Variants in MPDZ observed in about 807,000 individuals in gnomAD.
The protein encoded by MPDZ is multiple PDZ domain crumbs cell polarity complex component, also known as multiple PDZ domain protein.
A neutral mutation model predicts 239.1 loss-of-function variants in MPDZ; 234 were observed. The observed-to-expected ratio is 0.98, with a 90% CI of 0.88 to 1.09. The LOEUF is 1.09. Among genes scored for constraint, MPDZ ranks in the 50% least tolerant of loss-of-function variants. The pLI, the probability that MPDZ is intolerant of heterozygous loss-of-function variation, is 0.00. For synonymous variants in MPDZ, 1,048 were observed against 881.3 expected, an observed-to-expected ratio of 1.19 and a Z score of -3.35; for missense variants, 3,175 against 2,510.0, an observed-to-expected ratio of 1.26 and a Z score of -5.66.
In MPDZ at chr9:13,223,694, ACTTCTAC is replaced by A; in HGVS notation, c.403_409del (p.Val135PhefsTer19). On this transcript the variant is annotated frameshift_variant, in exon 5 of 47. Transcript: ENST00000319217. LOFTEE classifies it high-confidence loss of function. ...AGATGGAGGTTTGAGGAGCTCAAAA[ACTTCTAC>A]ATGGCGACCCTGTTTAGGAAACAAA... 2 of 1,606,120 alleles carry A rather than the reference ACTTCTAC, an allele frequency of 1.2e-6. No individual in the cohort carries two copies. Among genetic ancestry groups the A allele is most frequent in the Non-Finnish European group, 1.7e-6 (2 of 1,176,102 alleles).
chr9:13,172,005 C>T (rs1352925410), intron 21 of MPDZ, among the ~76,000 whole-genome samples: 1 of 152,144 alleles, frequency 6.6e-6, no homozygotes, highest in Non-Finnish European at 1.5e-5. Context: ...GTTATACAGC[C>T]AAAACCTTCC....
chr9:13,152,348 A>G (rs1389711754), intron 24 of MPDZ, among the ~76,000 whole-genome samples: 1 of 152,132 alleles, frequency 6.6e-6, no homozygotes, highest in Non-Finnish European at 1.5e-5. Context: ...AGCTCCCACA[A>G]TTCCCACGTA....
chr9:13,188,263 T>C (rs962637307), intron 17 of MPDZ, among the ~76,000 whole-genome samples: 5 of 152,072 alleles, frequency 3.3e-5, no homozygotes, highest in African/African-American at 1.2e-4. Flanking sequence ...CACACCTGTA[T>C]TCCTAGCACT....
In MPDZ at chr9:13,222,341, T is replaced by G. The variant is rs1959179344; in HGVS notation, c.639A>C (p.Lys213Asn). Residue 213 changes from lysine (K) to asparagine (N), a missense_variant, in exon 6 of 47, where the codon AAA (lysine) becomes AAC (asparagine). By Grantham distance (94) the Lys-to-Asn change is moderately conservative. Coordinates refer to ENST00000319217, the MANE Select transcript of MPDZ (RefSeq NM_001378778.1). Reference sequence around the variant, plus strand: ...TGGCAATAACTAGCTGGACAGTATCTTTGGCTTTCTGCAGGATGCTGATAG... The same window carrying G: ...TGGCAATAACTAGCTGGACAGTATCGTTGGCTTTCTGCAGGATGCTGATAG... ...QQAISILQKA[K>N]DTVQLVIARG... 2 of 1,612,952 alleles carry G rather than the reference T, an allele frequency of 1.2e-6. No individual in the cohort carries two copies. Among genetic ancestry groups the G allele is most frequent in the African/African-American group, 2.7e-5 (2 of 74,854 alleles).
intron 19 of MPDZ, among the ~76,000 whole-genome samples, chr9:13,182,502 T>G (rs1465164383): frequency 6.6e-6 from 1 of 152,048 alleles, no homozygotes; most frequent in Admixed American, 6.6e-5. Flanking sequence ...ACTACACACA[T>G]GTACATAGAT....
At chr9:13,145,678 A>T (rs188260247) in intron 26 of MPDZ, among the ~76,000 whole-genome samples, 5 of 152,148 alleles carry the variant, frequency 3.3e-5, no homozygotes, top group African/African-American at 1.2e-4. Context: ...ACTTGACTAA[A>T]CATGTCATTC....
chr9:13,271,833 T>G (rs1003703198), intron 1 of MPDZ, among the ~76,000 whole-genome samples: 2 of 152,144 alleles, frequency 1.3e-5, no homozygotes, highest in Non-Finnish European at 2.9e-5. Context: ...GAACTATGAA[T>G]ACAGGCAACA....
At chr9:13,146,550 C>G (rs1182333838) in intron 26 of MPDZ, among the ~76,000 whole-genome samples, 1 of 151,932 alleles carries the variant, frequency 6.6e-6, no homozygotes, top group Non-Finnish European at 1.5e-5. Flanking sequence ...TAAAGACAAC[C>G]AACCCTAAAA....
At chr9:13,254,274 C>T (rs1183821804) in intron 1 of MPDZ, among the ~76,000 whole-genome samples, 1 of 152,142 alleles carries the variant, frequency 6.6e-6, no homozygotes, top group Non-Finnish European at 1.5e-5. Context: ...AAAGAAAGAT[C>T]AGGAATATTC....
At chr9:13,168,299 A>G in intron 22 of MPDZ, 67 bp downstream of exon 22, 2 of 1,458,296 alleles carry the variant, frequency 1.4e-6, no homozygotes, top group South Asian at 1.2e-5. Flanking sequence ...TGAATACTGA[A>G]AAAGAATTCT....
intron 22 of MPDZ, among the ~76,000 whole-genome samples, chr9:13,166,733 T>A (rs1951129067): frequency 6.6e-6 from 1 of 152,102 alleles, no homozygotes; most frequent in African/African-American, 2.4e-5. Flanking sequence ...TAATAAAGCT[T>A]CTGCCCACAT....
At position 13,196,941 on chromosome 9, in the gene MPDZ, T is replaced by A. The variant is rs539601614; in HGVS notation, c.1547-711A>T. ...TCGTAAGATTTGTCTTTTTAAAATC[T>A]CTATTAGGCACTATTCTCTAAATTA... On this transcript the variant is annotated intron_variant, in intron 12 of 46. Coordinates refer to ENST00000319217, the MANE Select transcript of MPDZ (RefSeq NM_001378778.1). Among the ~76,000 whole-genome samples, 18 of 151,994 alleles carry A rather than the reference T, an allele frequency of 1.2e-4. No individual in the cohort carries two copies. The South Asian group carries it at 3.7e-3, about 32-fold the overall frequency.
rs770296552 is a variant in MPDZ at position 13,107,001 on chromosome 9, C to G, written c.6177G>C (p.Arg2059=). 1 of 1,613,514 alleles carries G rather than the reference C, an allele frequency of 6.2e-7. No homozygotes were observed. Among genetic ancestry groups the G allele is most frequent in the African/African-American group, 1.3e-5 (1 of 74,914 alleles). The change falls in exon 47 of 47, where the codon CGG becomes CGC. Residue 2059 remains arginine, a synonymous_variant. Transcript: ENST00000319217. ...THEEAVAILK[R]TKGTVTLMVL... is the part of the protein sequence containing the mutation. The stretch of plus-strand genomic sequence containing the variant: ...CCATCAAAGTGACAGTGCCTTTTGT[C>G]CGTTTAAGGATGGCAACAGCTTCTT...
chr9:13,133,759 CAGTGA>C (rs1946353665), intron 32 of MPDZ, 60 bp downstream of exon 32: 1 of 1,156,258 alleles, frequency 8.6e-7, no homozygotes, highest in Admixed American at 1.9e-5. Flanking sequence ...TTTGAGAACA[CAGTGA>C]ATTAGAACAC....
chr9:13,228,803 T>C (rs1035982457), intron 3 of MPDZ, among the ~76,000 whole-genome samples: 8 of 152,192 alleles, frequency 5.3e-5, no homozygotes, highest in Non-Finnish European at 8.8e-5. Context: ...AATATTTTCA[T>C]AGAAAAACTT....
In MPDZ at chr9:13,136,151, A is replaced by G. The variant is rs1563875718; in HGVS notation, c.4324T>C (p.Cys1442Arg). 6.2e-7 allele frequency: 1 copy of G among 1,613,036 alleles called. No individual in the cohort carries two copies. Among genetic ancestry groups the G allele is most frequent in the Non-Finnish European group, 8.5e-7 (1 of 1,179,430 alleles). ...AAAGGTTCTACTGCATTTCCAGGAC[A>G]TACGGCCATCTGATTCACTGCATCT... ...NKDAVNQMAV[C>R]PGNAVEPLPS... is the part of the protein sequence containing the mutation. Residue 1442 changes from cysteine (C) to arginine (R), a missense_variant, in exon 31 of 47, where the codon TGT (cysteine) becomes CGT (arginine). Physicochemically the swap from Cys to Arg is radical, Grantham distance 180. Coordinates refer to ENST00000319217, the MANE Select transcript of MPDZ (RefSeq NM_001378778.1).
chr9:13,237,843 T>C (rs1442781841), intron 3 of MPDZ, among the ~76,000 whole-genome samples: 1 of 152,200 alleles, frequency 6.6e-6, no homozygotes, highest in Admixed American at 6.5e-5. Flanking sequence ...ATAACTTTTG[T>C]ATATTATATA....
intron 1 of MPDZ, among the ~76,000 whole-genome samples, chr9:13,274,129 G>A (rs749100494): frequency 6.1e-4 from 93 of 152,136 alleles, no homozygotes; most frequent in South Asian, 1.9e-3. Context: ...CAAGCTTTCC[G>A]TCTTCTTTTC....
intron 12 of MPDZ, 112 bp downstream of exon 12, chr9:13,204,924 A>AT: frequency 4.4e-5 from 29 of 660,080 alleles, no homozygotes; most frequent in Non-Finnish European, 6.1e-5. Context: ...ACTTTTTGAA[A>AT]TTTTTTTTAG....
Sources: gnomAD v4.1 joint callset for allele counts (sites outside exome capture counted in the v4.1 genomes callset) on GRCh38, gnomAD v4.1.1 for gene constraint, MANE v1.5 for transcripts, NCBI Gene and HGNC (gene_info 2026-07-23, HGNC 2026-07-21) for gene names.